Variants in KLHL1 observed in about 807,000 individuals in gnomAD.
The protein encoded by KLHL1 is kelch like family member 1, also known as kelch-like protein 1.
KLHL1 carries 47 observed loss-of-function variants against 77.7 expected under a neutral mutation model. That is an observed-to-expected ratio of 0.60 (90% confidence interval 0.48 to 0.77). The LOEUF is 0.77. Among genes scored for constraint, KLHL1 ranks in the 30% least tolerant of loss-of-function variants. The pLI is 0.00. For missense variants in KLHL1, 925 were observed against 910.8 expected (o/e 1.02, Z -0.20); for synonymous variants, 360 against 325.2 (o/e 1.11, Z -1.15).
At position 70,032,543 on chromosome 13, in the gene KLHL1, C is replaced by T. The variant is rs569466832; in HGVS notation, c.498-56741G>A. Among the ~76,000 whole-genome samples, 22 of 152,192 alleles carry T rather than the reference C, an allele frequency of 1.4e-4. No individual in the cohort carries two copies. In the South Asian group the frequency reaches 2.9e-3, roughly 20 times the overall value. On this transcript the variant is annotated intron_variant, in intron 1 of 10. Transcript: ENST00000377844. ...CTGTCAAACAAGCTATATAAAAGTTCCCTGTAAAATATTAGTATCTCATTC... is the reference window on the plus strand; with the variant it reads ...CTGTCAAACAAGCTATATAAAAGTTTCCTGTAAAATATTAGTATCTCATTC...
intron 5 of KLHL1, among the ~76,000 whole-genome samples, chr13:69,877,833 T>A (rs191133142): frequency 1.3e-5 from 2 of 152,274 alleles, no homozygotes; most frequent in East Asian, 3.9e-4. Context: ...GAAATCCATA[T>A]CCTCTGTTAT....
intron 10 of KLHL1, among the ~76,000 whole-genome samples, chr13:69,704,596 C>T (rs1875542394): frequency 6.6e-6 from 1 of 151,726 alleles, no homozygotes; most frequent in Non-Finnish European, 1.5e-5. Context: ...GCCCAGTGCA[C>T]TTAAGTTCTA....
chr13:70,068,165 A>C (rs377568187), intron 1 of KLHL1, among the ~76,000 whole-genome samples: 3,641 of 151,464 alleles, frequency 0.024, 126 homozygotes, highest in African/African-American at 0.082. Context: ...CACGGTGAAA[A>C]CCCATCTCTA....
At chr13:69,902,325 C>T (rs779966109) in intron 4 of KLHL1, among the ~76,000 whole-genome samples, 18 of 151,800 alleles carry the variant, frequency 1.2e-4, no homozygotes, top group Non-Finnish European at 1.9e-4. Context: ...GAGAAGGCAA[C>T]GACAGGAACA....
rs561762263 is a variant in KLHL1, at chr13:69,786,547, A to G, written c.1639+10191T>C. On this transcript the variant is annotated intron_variant, in intron 7 of 10. Coordinates refer to ENST00000377844, the MANE Select transcript of KLHL1 (RefSeq NM_020866.3). ...TATCTATGACAAACCCACAGCCAAT[A>G]TCGTACTGAATGGGCAAAAATTGGA... 6.3e-4 allele frequency among the ~76,000 whole-genome samples: 96 copies of G among 152,184 alleles called. 1 individual carries two copies. Among genetic ancestry groups the G allele is most frequent in the Non-Finnish European group, 1.2e-3 (80 of 68,034 alleles).
At chr13:69,900,933 T>C (rs1238920748) in intron 4 of KLHL1, among the ~76,000 whole-genome samples, 2 of 152,192 alleles carry the variant, frequency 1.3e-5, no homozygotes, top group African/African-American at 4.8e-5. Context: ...CCCTCAAATT[T>C]GTAGTCCTGA....
At chr13:69,997,758 AATAT>A (rs1362161040) in intron 1 of KLHL1, among the ~76,000 whole-genome samples, 2 of 147,978 alleles carry the variant, frequency 1.4e-5, no homozygotes, top group Admixed American at 6.8e-5. Context: ...TATGAATATA[AATAT>A]ATAAATGTAT....
chr13:69,871,995 A>C (rs1053633610), intron 5 of KLHL1, among the ~76,000 whole-genome samples: 1 of 152,098 alleles, frequency 6.6e-6, no homozygotes. Context: ...TCTTTATAGC[A>C]ACACTGACTC....
intron 1 of KLHL1, among the ~76,000 whole-genome samples, chr13:69,977,277 T>C (rs977385408): frequency 6.6e-6 from 1 of 152,048 alleles, no homozygotes; most frequent in East Asian, 1.9e-4. Context: ...ACTTAATAGA[T>C]ATAAAAATAA....
chr13:70,094,590 A>C (rs928022), intron 1 of KLHL1, among the ~76,000 whole-genome samples: 20,165 of 152,028 alleles, frequency 0.13, 1,440 homozygotes, highest in Middle Eastern at 0.16. Flanking sequence ...GCACAGAATT[A>C]ATCTGTAAAC....
At chr13:70,091,687 CATTTTT>C (rs1887676114) in intron 1 of KLHL1, among the ~76,000 whole-genome samples, 1 of 152,076 alleles carries the variant, frequency 6.6e-6, no homozygotes, top group African/African-American at 2.4e-5. Flanking sequence ...GAACCTTTTT[CATTTTT>C]ATTTATTTTG....
intron 7 of KLHL1, among the ~76,000 whole-genome samples, chr13:69,772,498 C>A (rs1875621205): frequency 6.6e-6 from 1 of 151,990 alleles, no homozygotes; most frequent in South Asian, 2.1e-4. Flanking sequence ...CTCATTAAAT[C>A]TAAACAAATT....
rs544464374 is a variant in KLHL1 at position 70,107,848 on chromosome 13, C to T, written c.-149G>A. 5 of 619,344 alleles carry T rather than the reference C, an allele frequency of 8.1e-6. No homozygotes were observed. The highest frequency in any genetic ancestry group is 1.3e-5 in the Non-Finnish European group (5 of 378,188). 38.4% of individuals were successfully genotyped at this position (619,344 alleles called of 1,614,324 possible). On this transcript the variant is annotated 5_prime_UTR_variant, in exon 1 of 11. Transcript: ENST00000377844. The stretch of plus-strand genomic sequence containing the variant: ...GCCAGAAGACGCTAGGTGGGCTGCG[C>T]GCTCTGCCAGGCGAAGGCTGGAGCG...
At chr13:69,774,448 A>G (rs866790289) in intron 7 of KLHL1, among the ~76,000 whole-genome samples, 1 of 152,130 alleles carries the variant, frequency 6.6e-6, no homozygotes, top group Middle Eastern at 3.4e-3. Context: ...CTTTAGTACA[A>G]TTTGGCAAAA....
chr13:70,046,767 G>C (rs975111199), intron 1 of KLHL1, among the ~76,000 whole-genome samples: 17 of 152,092 alleles, frequency 1.1e-4, no homozygotes, highest in African/African-American at 4.1e-4. Context: ...GCCCGCCTCG[G>C]CCTTCCAAAG....
chr13:70,104,933 T>C (rs886182270), intron 1 of KLHL1, among the ~76,000 whole-genome samples: 1 of 152,092 alleles, frequency 6.6e-6, no homozygotes, highest in Non-Finnish European at 1.5e-5. Flanking sequence ...TAAAATATTA[T>C]ATACTGATAA....
chr13:69,948,118 A>C (rs74388388), intron 3 of KLHL1, among the ~76,000 whole-genome samples: 4,122 of 152,222 alleles, frequency 0.027, 64 homozygotes, highest in Middle Eastern at 0.058. Flanking sequence ...AATGTTTATA[A>C]TCTCTCTTAG....
At chr13:70,061,413 T>C (rs4883854) in intron 1 of KLHL1, among the ~76,000 whole-genome samples, 115,972 of 151,530 alleles carry the variant, frequency 0.77, 45,979 homozygotes, top group East Asian at 1. Flanking sequence ...TGGTTTTTAC[T>C]GCTTTATTGG....
intron 1 of KLHL1, among the ~76,000 whole-genome samples, chr13:70,023,968 T>C (rs947097840): frequency 4.0e-5 from 6 of 151,854 alleles, no homozygotes; most frequent in Non-Finnish European, 2.9e-5. Flanking sequence ...AGTTTTTCCT[T>C]AGTAATTAGC....
Sources: allele counts gnomAD v4.1 joint callset (sites outside exome capture counted in the v4.1 genomes callset), GRCh38; gene constraint gnomAD v4.1.1; transcripts MANE v1.5; gene names NCBI Gene and HGNC (gene_info 2026-07-23, HGNC 2026-07-21).